Variants in MAP2 observed in about 807,000 individuals in gnomAD.
MAP2 encodes microtubule-associated protein 2.
A neutral mutation model predicts 137.6 loss-of-function variants in MAP2; 14 were observed. The observed-to-expected ratio is 0.10, with a 90% confidence interval of 0.07 to 0.16. The LOEUF is 0.16. Ranked by LOEUF, MAP2 falls within the 10% of genes least tolerant of loss-of-function variation. The pLI, the probability that MAP2 is intolerant of heterozygous loss-of-function variation, is 1.00. For missense variants in MAP2, 2,088 were observed against 2,191.5 expected, an observed-to-expected ratio of 0.95 and a Z score of 0.94; for synonymous variants, 786 against 782.3, an observed-to-expected ratio of 1.00 and a Z score of -0.08.
At chr2:209,677,437 G>GACAT (rs1418520851) in intron 5 of MAP2, among the ~76,000 whole-genome samples, 3 of 148,466 alleles carry the variant, frequency 2.0e-5, no homozygotes, top group African/African-American at 5.2e-5. Flanking sequence ...CAGACAGACA[G>GACAT]ACAGATAGAT....
At chr2:209,721,978 G>C (rs2071256792) in intron 13 of MAP2, 1 of 152,134 alleles carries the variant, frequency 6.6e-6, no homozygotes, top group Non-Finnish European at 1.5e-5. Context: ...TAAATTCCAA[G>C]ATTAGATGGG....
At chr2:209,643,589 C>T (rs968659275) in intron 4 of MAP2, among the ~76,000 whole-genome samples, 1 of 152,196 alleles carries the variant, frequency 6.6e-6, no homozygotes, top group African/African-American at 2.4e-5. Context: ...AAGTGTACTT[C>T]TATCACAAAC....
At chr2:209,675,323 A>G (rs1392508295) in intron 5 of MAP2, among the ~76,000 whole-genome samples, 1 of 151,860 alleles carries the variant, frequency 6.6e-6, no homozygotes, top group Non-Finnish European at 1.5e-5. Context: ...GGACATAAAC[A>G]CACTTATAAA....
chr2:209,624,012 C>A (rs375179386), intron 3 of MAP2, among the ~76,000 whole-genome samples: 91 of 152,244 alleles, frequency 6.0e-4, no homozygotes, highest in African/African-American at 2.1e-3. Context: ...ACAGCTCTGG[C>A]CCAGACCATA....
At chr2:209,538,179 A>C (rs1223886089) in intron 2 of MAP2, among the ~76,000 whole-genome samples, 1 of 152,190 alleles carries the variant, frequency 6.6e-6, no homozygotes, top group Non-Finnish European at 1.5e-5. Context: ...TATGAATATT[A>C]TCTCTGTTAA....
At chr2:209,687,741 G>C (rs1211279269) in intron 7 of MAP2, among the ~76,000 whole-genome samples, 1 of 152,088 alleles carries the variant, frequency 6.6e-6, no homozygotes, top group Non-Finnish European at 1.5e-5. Context: ...AGGATCAAGT[G>C]GGTCCTCTAC....
intron 1 of MAP2, among the ~76,000 whole-genome samples, chr2:209,477,248 A>T (rs762586985): frequency 6.6e-6 from 1 of 152,194 alleles, no homozygotes; most frequent in Non-Finnish European, 1.5e-5. Context: ...GAATTGGGGA[A>T]GCTGAGTGAA....
intron 4 of MAP2, among the ~76,000 whole-genome samples, chr2:209,632,758 C>T (rs897670264): frequency 2.6e-5 from 4 of 152,140 alleles, no homozygotes; most frequent in African/African-American, 9.7e-5. Flanking sequence ...AATCCTCTTG[C>T]TTTAATTCCT....
chr2:209,678,526 T>G (rs757449240), intron 5 of MAP2, 46 bp from the exon 6 acceptor site: 2 of 998,812 alleles, frequency 2.0e-6, no homozygotes, highest in South Asian at 3.4e-5. Flanking sequence ...CTTTGCTTTC[T>G]CAGACTTCTC....
At chr2:209,623,212 A>G (rs185336282) in intron 3 of MAP2, among the ~76,000 whole-genome samples, 1 of 152,318 alleles carries the variant, frequency 6.6e-6, no homozygotes, top group Admixed American at 6.5e-5. Flanking sequence ...GTCTGGCATT[A>G]TGGCATGAAA....
chr2:209,460,374 T>C (rs1212663785), intron 1 of MAP2, among the ~76,000 whole-genome samples: 1 of 152,162 alleles, frequency 6.6e-6, no homozygotes, highest in African/African-American at 2.4e-5. Context: ...ACTGGTTCTT[T>C]GGGACGTGGA....
At chr2:209,427,020 C>T (rs991348846) in intron 1 of MAP2, among the ~76,000 whole-genome samples, 1 of 152,184 alleles carries the variant, frequency 6.6e-6, no homozygotes, top group African/African-American at 2.4e-5. Flanking sequence ...TGTAGTTGCA[C>T]TGTTGGCATT....
intron 4 of MAP2, among the ~76,000 whole-genome samples, chr2:209,648,887 G>A (rs2094591757): frequency 6.6e-6 from 1 of 152,000 alleles, no homozygotes; most frequent in African/African-American, 2.4e-5. Context: ...CTGTTTGGCA[G>A]TTAGGAGCAG....
At chr2:209,661,251 C>A (rs1582673198) in intron 5 of MAP2, among the ~76,000 whole-genome samples, 1 of 152,270 alleles carries the variant, frequency 6.6e-6, no homozygotes, top group East Asian at 1.9e-4. Flanking sequence ...GTCAGCATCC[C>A]ATTTAAAATA....
chr2:209,717,672 G>A (rs1363355524), intron 13 of MAP2, among the ~76,000 whole-genome samples: 1 of 152,110 alleles, frequency 6.6e-6, no homozygotes, highest in Non-Finnish European at 1.5e-5. Flanking sequence ...TAACATATAA[G>A]ATGAAGAGAG....
chr2:209,682,334 T>C (rs886557831), intron 7 of MAP2, among the ~76,000 whole-genome samples: 2 of 151,968 alleles, frequency 1.3e-5, no homozygotes, highest in Non-Finnish European at 2.9e-5. Context: ...CTACTAAAAA[T>C]ACAAAAATTA....
intron 10 of MAP2, 76 bp from the exon 11 acceptor site, chr2:209,700,201 C>A: frequency 8.5e-7 from 1 of 1,176,816 alleles, no homozygotes; most frequent in Non-Finnish European, 1.3e-6. Flanking sequence ...AACAGAATAT[C>A]CTACAGGTAT....
chr2:209,515,062 C>T (rs1385879276), intron 2 of MAP2, among the ~76,000 whole-genome samples: 2 of 152,156 alleles, frequency 1.3e-5, no homozygotes, highest in African/African-American at 4.8e-5. Flanking sequence ...AACAAACCGA[C>T]ATGGATTAGG....
intron 2 of MAP2, among the ~76,000 whole-genome samples, chr2:209,536,711 C>T (rs1324185631): frequency 6.6e-6 from 1 of 152,092 alleles, no homozygotes; most frequent in Non-Finnish European, 1.5e-5. Flanking sequence ...ATTTCAGAGC[C>T]TCACTTTGTG....
Sources: gnomAD v4.1 joint callset for allele counts (sites outside exome capture counted in the v4.1 genomes callset) on GRCh38, gnomAD v4.1.1 for gene constraint, MANE v1.5 for transcripts, NCBI Gene and HGNC (gene_info 2026-07-23, HGNC 2026-07-21) for gene names.